NUP93: variants seen among roughly 807,000 people sequenced by gnomAD.
The protein encoded by NUP93 is nuclear pore complex protein Nup93.
Under a neutral mutation model 107.8 loss-of-function variants are expected in NUP93, and 55 were observed. That is an observed-to-expected ratio of 0.51 (90% CI 0.41 to 0.64). NUP93 has a LOEUF of 0.64. Ranked by LOEUF, NUP93 falls within the 30% of genes least tolerant of loss-of-function variation. The probability of loss-of-function intolerance (pLI) is 0.00; values close to 1 mark genes in which losing one functional copy is unlikely to be tolerated. For missense variants in NUP93, 937 were observed against 1,044.7 expected, an observed-to-expected ratio of 0.90 and a Z score of 1.42; for synonymous variants, 390 against 397.5, an observed-to-expected ratio of 0.98 and a Z score of 0.22.
chr16:56,831,776 C>G (rs1468681878), intron 10 of NUP93, 66 bp from the exon 11 acceptor site: 1 of 1,542,588 alleles, frequency 6.5e-7, no homozygotes, highest in African/African-American at 1.4e-5. Context: ...ACCTGGGACG[C>G]TTTCAGATGC....
At chr16:56,766,882 C>A (rs1962225417) in intron 3 of NUP93, among the ~76,000 whole-genome samples, 1 of 152,106 alleles carries the variant, frequency 6.6e-6, no homozygotes, top group African/African-American at 2.4e-5. Context: ...TGGTAGGGAC[C>A]AGGAAAAGAA....
At chr16:56,833,508 G>A (rs1298109748) in intron 13 of NUP93, 102 bp downstream of exon 13, 2 of 934,264 alleles carry the variant, frequency 2.1e-6, no homozygotes, top group Non-Finnish European at 3.0e-6. Flanking sequence ...TGAGCAAAGG[G>A]TACCAGTCAT....
intron 7 of NUP93, among the ~76,000 whole-genome samples, chr16:56,821,912 T>C (rs1947958373): frequency 6.6e-6 from 1 of 150,534 alleles, no homozygotes; most frequent in Non-Finnish European, 1.5e-5. Flanking sequence ...GTAGGCTCCT[T>C]AATGAGAGCA....
In NUP93 at chr16:56,844,704, G is replaced by T; in HGVS notation, c.*95G>T. 1.6e-6 allele frequency: 1 copy of T among 607,826 alleles called. No homozygotes were observed. The highest frequency in any genetic ancestry group is 4.5e-5 in the South Asian group (1 of 22,412). 37.7% of individuals were successfully genotyped at this position (607,826 alleles called of 1,614,324 possible). ...GGGTTTCTGGTTTTGTTTCTGTTGT[G>T]TTTTGTTTTGGTTTCTGTATTATGT... is the stretch of plus-strand genomic sequence containing the variant. On this transcript the variant is annotated 3_prime_UTR_variant, in exon 22 of 22. Coordinates refer to ENST00000308159, the MANE Select transcript of NUP93 (RefSeq NM_014669.5).
At chr16:56,813,793 TCTC>T (rs1238592748) in intron 5 of NUP93, among the ~76,000 whole-genome samples, 6 of 152,248 alleles carry the variant, frequency 3.9e-5, no homozygotes, top group African/African-American at 1.4e-4. Flanking sequence ...TTTTACAACT[TCTC>T]CTAGGTTAAT....
intron 3 of NUP93, among the ~76,000 whole-genome samples, chr16:56,759,954 G>T (rs1186178370): frequency 3.3e-5 from 5 of 152,090 alleles, no homozygotes; most frequent in Non-Finnish European, 7.4e-5. Context: ...ACAGCATTTT[G>T]TGATGCACTT....
In NUP93 at chr16:56,815,973, T is replaced by A. The variant is rs111738423; in HGVS notation, c.490-2691T>A. Among the ~76,000 whole-genome samples the A allele has an allele frequency of 3.1e-3, 469 of 150,948 alleles. 3 individuals are homozygous for A. Among genetic ancestry groups the A allele is most frequent in the African/African-American group, 0.011 (444 of 41,240 alleles). On this transcript the variant is annotated intron_variant, in intron 5 of 21. Coordinates refer to ENST00000308159, the MANE Select transcript of NUP93 (RefSeq NM_014669.5). ...TACCACTACTACTACTCTCTACTGT[T>A]CTGTGATGAATGTTTTTGGAGAGTT... is the stretch of plus-strand genomic sequence containing the variant.
Position 56,798,680 on chromosome 16 carries a change from C to A in NUP93, c.360+142C>A. 5.9e-6 allele frequency: 4 copies of A among 683,272 alleles called. No individual in the cohort carries two copies. The Admixed American group carries it at 8.0e-5, about 14-fold the overall frequency. 42.3% of individuals were successfully genotyped at this position (683,272 alleles called of 1,614,324 possible). On this transcript the variant is annotated intron_variant, in intron 4 of 21. Coordinates refer to ENST00000308159, the MANE Select transcript of NUP93 (RefSeq NM_014669.5). ...CCCAGGAATTCAAGATCAGCCTAGG[C>A]AACATAGTGAGACCCCATCTTTACA...
At chr16:56,797,385 A>C (rs1399951582) in intron 3 of NUP93, among the ~76,000 whole-genome samples, 1 of 152,220 alleles carries the variant, frequency 6.6e-6, no homozygotes, top group Non-Finnish European at 1.5e-5. Context: ...TCTACATGTC[A>C]ATTGATGGGT....
Position 56,848,960 on chromosome 16 carries a change from A to G in NUP93, c.*4351A>G, listed in dbSNP as rs1964146621. 6.6e-6 allele frequency: 1 copy of G among 151,982 alleles called. No homozygotes were observed. Among genetic ancestry groups the G allele is most frequent in the African/African-American group, 2.4e-5 (1 of 41,380 alleles). 9.4% of individuals were successfully genotyped at this position (151,982 alleles called of 1,614,324 possible). ...AGTTGCTAACCCAGGGAAAGAGGAT[A>G]TTTTCCTGTCCTAACCTTGGTTTTT... On this transcript the variant is annotated 3_prime_UTR_variant, in exon 22 of 22. Coordinates refer to ENST00000308159, the MANE Select transcript of NUP93 (RefSeq NM_014669.5).
chr16:56,832,489 T>C, intron 12 of NUP93, 101 bp downstream of exon 12: 5 of 866,910 alleles, frequency 5.8e-6, no homozygotes, highest in Non-Finnish European at 9.5e-6. Flanking sequence ...ACTTTTGTCT[T>C]TCTTCCAAAA....
In NUP93 at chr16:56,810,762, C is replaced by A. The variant is rs113955573; in HGVS notation, c.489+5130C>A. ...CCAGAAATCCTCTTTGTGGTCCTTT[C>A]TGGTCACCAGCGCCCCAGAAATCCT... is the stretch of plus-strand genomic sequence containing the variant. On this transcript the variant is annotated intron_variant, in intron 5 of 21. Transcript: ENST00000308159. Among the ~76,000 whole-genome samples the A allele has an allele frequency of 4.6e-3, 424 of 92,328 alleles. 3 individuals carry two copies. The highest frequency in any genetic ancestry group is 0.013 in the African/African-American group (401 of 29,762). 60.6% of individuals were successfully genotyped at this position (92,328 alleles called of 152,430 possible).
intron 3 of NUP93, among the ~76,000 whole-genome samples, chr16:56,786,324 T>C (rs1164263497): frequency 1.3e-5 from 2 of 152,210 alleles, no homozygotes; most frequent in Non-Finnish European, 2.9e-5. Flanking sequence ...TAACTGCAGT[T>C]AAATAACTTT....
At chr16:56,765,215 A>C (rs1457895408) in intron 3 of NUP93, among the ~76,000 whole-genome samples, 1 of 152,252 alleles carries the variant, frequency 6.6e-6, no homozygotes, top group Non-Finnish European at 1.5e-5. Context: ...TTTTCACATA[A>C]TATAAAAATA....
At chr16:56,775,963 C>G (rs966359167) in intron 3 of NUP93, among the ~76,000 whole-genome samples, 7 of 152,050 alleles carry the variant, frequency 4.6e-5, no homozygotes, top group African/African-American at 1.4e-4. Context: ...ATTCATTTTA[C>G]TGTCATTTCT....
chr16:56,730,908 G>T (rs1417892789), intron 1 of NUP93, among the ~76,000 whole-genome samples: 2 of 152,220 alleles, frequency 1.3e-5, no homozygotes, highest in African/African-American at 4.8e-5. Flanking sequence ...CCTTCTGCCA[G>T]ACGTGGGAAG....
chr16:56,789,880 C>T (rs973251401), intron 3 of NUP93, among the ~76,000 whole-genome samples: 30 of 152,248 alleles, frequency 2.0e-4, no homozygotes, highest in Middle Eastern at 3.4e-3. Context: ...AGGTGGATCA[C>T]CTAAGGTCAG....
chr16:56,762,552 A>G (rs1962145444), intron 3 of NUP93, among the ~76,000 whole-genome samples: 1 of 152,238 alleles, frequency 6.6e-6, no homozygotes, highest in Non-Finnish European at 1.5e-5. Context: ...CATGTACAAC[A>G]TGAATAAATA....
At chr16:56,825,709 C>T (rs1404637727) in intron 8 of NUP93, among the ~76,000 whole-genome samples, 2 of 152,022 alleles carry the variant, frequency 1.3e-5, no homozygotes, top group African/African-American at 2.4e-5. Context: ...TATCTTGTTC[C>T]ATTAATTTCT....
Sources: gnomAD v4.1 joint callset for allele counts (sites outside exome capture counted in the v4.1 genomes callset) on GRCh38, gnomAD v4.1.1 for gene constraint, MANE v1.5 for transcripts, NCBI Gene and HGNC (gene_info 2026-07-23, HGNC 2026-07-21) for gene names.